The following FMN1 variants were observed in gnomAD, a reference collection of about 807,000 sequenced individuals.
The protein encoded by FMN1 is formin-1.
A neutral mutation model predicts 132.4 loss-of-function variants in FMN1; 110 were observed. The observed-to-expected ratio is 0.83, with a 90% CI of 0.71 to 0.97. The LOEUF (loss-of-function observed/expected upper bound fraction) is 0.97. FMN1 is among the 50% of genes least tolerant of loss of function. The pLI is 0.00. For missense variants in FMN1, 1,792 were observed against 1,705.3 expected (o/e 1.05, Z -0.90); for synonymous variants, 722 against 651.7 (o/e 1.11, Z -1.64).
At chr15:33,053,303 A>T (rs2037064527) in intron 6 of FMN1, among the ~76,000 whole-genome samples, 1 of 152,000 alleles carries the variant, frequency 6.6e-6, no homozygotes, top group South Asian at 2.1e-4. Context: ...GGTCGCAGGC[A>T]CCCCTGCCTG....
intron 4 of FMN1, among the ~76,000 whole-genome samples, chr15:33,120,542 G>A (rs940046416): frequency 6.6e-6 from 1 of 152,044 alleles, no homozygotes. Flanking sequence ...ACCTCATGTC[G>A]CCAACCCCAG....
chr15:33,095,109 A>G (rs1595458926), intron 4 of FMN1, among the ~76,000 whole-genome samples: 1 of 152,194 alleles, frequency 6.6e-6, no homozygotes, highest in Non-Finnish European at 1.5e-5. Context: ...GCACTTTGGG[A>G]AGCTGAGGTG....
Position 33,140,341 on chromosome 15 carries a change from T to TGCCCTTG in FMN1, c.1867+12706_1867+12707insCAAGGGC, listed in dbSNP as rs1566948189. Among the ~76,000 whole-genome samples, 9 of 139,688 alleles carry TGCCCTTG rather than the reference T, an allele frequency of 6.4e-5. No homozygotes were observed. In the Admixed American group the frequency reaches 6.8e-4, roughly 11 times the overall value. The allele number at this position is 139,688 out of a possible 152,430, so 91.6% of individuals were successfully genotyped here. ...ATTAAGAACTCTTCAAAAATAAAGTTACCCTTGAACTAATTTTAGTGGTAC... is the reference window on the plus strand; with the variant it reads ...ATTAAGAACTCTTCAAAAATAAAGTTGCCCTTGACCCTTGAACTAATTTTAGTGGTAC... On this transcript the variant is annotated intron_variant, in intron 4 of 20. Coordinates refer to ENST00000616417, the MANE Select transcript of FMN1 (RefSeq NM_001277313.2).
chr15:32,985,510 G>A (rs957737194), intron 7 of FMN1, among the ~76,000 whole-genome samples: 3 of 152,066 alleles, frequency 2.0e-5, no homozygotes, highest in Admixed American at 6.6e-5. Flanking sequence ...TAGTGCCCAC[G>A]ACTACTGGGT....
chr15:33,007,976 T>C (rs1369081205), intron 7 of FMN1, 38 bp downstream of exon 7: 1 of 1,544,326 alleles, frequency 6.5e-7, no homozygotes, highest in Non-Finnish European at 8.8e-7. Context: ...CAAGTATCAG[T>C]TCTATAGAAC....
intron 4 of FMN1, among the ~76,000 whole-genome samples, chr15:33,143,707 C>T (rs957638788): frequency 6.6e-6 from 1 of 152,158 alleles, no homozygotes; most frequent in Non-Finnish European, 1.5e-5. Flanking sequence ...TTGTCGCTTG[C>T]AGCCACTGCC....
chr15:33,002,898 T>A (rs2140919210), intron 7 of FMN1, among the ~76,000 whole-genome samples: 1 of 152,282 alleles, frequency 6.6e-6, no homozygotes, highest in East Asian at 1.9e-4. Flanking sequence ...AAACTACAGC[T>A]AAGTGTTCAA....
intron 7 of FMN1, among the ~76,000 whole-genome samples, chr15:32,997,153 T>A (rs1453815084): frequency 6.6e-6 from 1 of 152,182 alleles, no homozygotes; most frequent in Non-Finnish European, 1.5e-5. Context: ...TTCCTCAAAC[T>A]GGGCTCAGGA....
At chr15:33,007,547 G>A (rs1039766606) in intron 7 of FMN1, among the ~76,000 whole-genome samples, 1 of 152,056 alleles carries the variant, frequency 6.6e-6, no homozygotes, top group African/African-American at 2.4e-5. Context: ...ATACGGAAGG[G>A]CTCAGAACTC....
In FMN1 at chr15:33,086,111, C is replaced by T. The variant is rs141101910; in HGVS notation, c.2043+2688G>A. Among the ~76,000 whole-genome samples, 1,032 of 151,952 alleles carry T rather than the reference C, an allele frequency of 6.8e-3. 22 individuals are homozygous for T. Among genetic ancestry groups the T allele is most frequent in the African/African-American group, 0.024 (987 of 41,420 alleles). ...CTGAAAATACAAAAAATTAGCTGGG[C>T]GTGGTGGCATGCGCCTGTAGTCCCA... is the stretch of plus-strand genomic sequence containing the variant. On this transcript the variant is annotated intron_variant, in intron 5 of 20. Transcript: ENST00000616417.
intron 17 of FMN1, among the ~76,000 whole-genome samples, chr15:32,830,541 C>T (rs1469406201): frequency 6.6e-6 from 1 of 152,098 alleles, no homozygotes; most frequent in South Asian, 2.1e-4. Flanking sequence ...CTTTTTTGGA[C>T]AGCTTCAACC....
At chr15:32,816,748 C>T (rs982896286) in intron 17 of FMN1, among the ~76,000 whole-genome samples, 14 of 152,118 alleles carry the variant, frequency 9.2e-5, no homozygotes, top group African/African-American at 3.4e-4. Context: ...TAAGTCGTAA[C>T]AGAAAAACAA....
chr15:33,079,438 C>T (rs569699821), intron 5 of FMN1, among the ~76,000 whole-genome samples: 1 of 152,322 alleles, frequency 6.6e-6, no homozygotes, highest in East Asian at 1.9e-4. Context: ...ACCTGGCCAA[C>T]ATGGTGAAAC....
intron 2 of FMN1, among the ~76,000 whole-genome samples, chr15:33,190,798 A>G (rs557300075): frequency 3.9e-5 from 6 of 152,262 alleles, no homozygotes; most frequent in African/African-American, 9.6e-5. Context: ...AGCCTTGTCT[A>G]TCCTCCCAGT....
chr15:32,838,487 A>G (rs2058675837), intron 17 of FMN1, among the ~76,000 whole-genome samples: 1 of 152,196 alleles, frequency 6.6e-6, no homozygotes, highest in Admixed American at 6.5e-5. Flanking sequence ...TGAATGCTCA[A>G]GTAAACACAA....
intron 4 of FMN1, among the ~76,000 whole-genome samples, chr15:33,128,664 T>C (rs1040481182): frequency 6.6e-6 from 1 of 152,158 alleles, no homozygotes; most frequent in African/African-American, 2.4e-5. Flanking sequence ...GATGCTCCGG[T>C]GAGTTTGTAG....
At chr15:33,140,193 AACACACACACACACACACAC>A (rs61485667) in intron 4 of FMN1, among the ~76,000 whole-genome samples, 1 of 142,872 alleles carries the variant, frequency 7.0e-6, no homozygotes, top group African/African-American at 2.6e-5. Context: ...CCTATGGTTA[AACACACACACACACACACAC>A]ACACACACAC....
At chr15:32,949,940 C>CATATATATAT (rs373896522) in intron 9 of FMN1, among the ~76,000 whole-genome samples, 8 of 31,862 alleles carry the variant, frequency 2.5e-4, no homozygotes, top group African/African-American at 5.4e-4. Context: ...GGCCAAAAAG[C>CATATATATAT]ATATATATAT....
intron 7 of FMN1, among the ~76,000 whole-genome samples, chr15:32,974,093 C>G (rs1217760051): frequency 6.6e-6 from 1 of 152,180 alleles, no homozygotes; most frequent in East Asian, 1.9e-4. Context: ...AAACAAAATG[C>G]CTTTATATCC....
Sources: gnomAD v4.1 joint callset for allele counts (sites outside exome capture counted in the v4.1 genomes callset) on GRCh38, gnomAD v4.1.1 for gene constraint, MANE v1.5 for transcripts, NCBI Gene and HGNC (gene_info 2026-07-23, HGNC 2026-07-21) for gene names.